Variants in CNIH3 observed in about 807,000 individuals in gnomAD.
CNIH3 encodes cornichon family AMPA receptor auxiliary protein 3, also known as protein cornichon homolog 3.
A neutral mutation model predicts 24.1 loss-of-function variants in CNIH3; 14 were observed. The ratio of observed to expected loss-of-function variants is 0.58; its 90% CI spans 0.38 to 0.91. CNIH3 has a LOEUF of 0.91. Ranked by LOEUF, CNIH3 falls within the 40% of genes least tolerant of loss-of-function variation. The pLI, the probability that CNIH3 is intolerant of heterozygous loss-of-function variation, is 0.00. For missense variants in CNIH3, 178 were observed against 196.8 expected, an observed-to-expected ratio of 0.90 and a Z score of 0.57; for synonymous variants, 68 against 73.8, an observed-to-expected ratio of 0.92 and a Z score of 0.40.
At chr1:224,493,210 T>C (rs1558105445) in intron 1 of CNIH3, among the ~76,000 whole-genome samples, 1 of 152,252 alleles carries the variant, frequency 6.6e-6, no homozygotes, top group Admixed American at 6.5e-5. Flanking sequence ...AGTCTTTGTA[T>C]ATAAACTTGA....
At chr1:224,595,537 A>G (rs1681943461) in intron 3 of CNIH3, among the ~76,000 whole-genome samples, 1 of 152,188 alleles carries the variant, frequency 6.6e-6, no homozygotes, top group African/African-American at 2.4e-5. Flanking sequence ...ATTTAGGCAA[A>G]TTAATAACCC....
chr1:224,531,458 G>A (rs1052461539), intron 2 of CNIH3, among the ~76,000 whole-genome samples: 1 of 152,208 alleles, frequency 6.6e-6, no homozygotes, highest in Non-Finnish European at 1.5e-5. Context: ...GGAGAGCAGT[G>A]TTAAAGCTGA....
At chr1:224,473,638 ACAGGTAT>A (rs1263661466) in intron 1 of CNIH3, among the ~76,000 whole-genome samples, 1 of 152,212 alleles carries the variant, frequency 6.6e-6, no homozygotes, top group Non-Finnish European at 1.5e-5. Flanking sequence ...ATGAGAGCAC[ACAGGTAT>A]GTAAAGGAAA....
At chr1:224,568,308 C>CA (rs1224747195) in intron 4 of CNIH3, among the ~76,000 whole-genome samples, 7 of 145,010 alleles carry the variant, frequency 4.8e-5, no homozygotes, top group Admixed American at 2.8e-4. Context: ...AGCAAACAAA[C>CA]AAAAAAAATT....
chr1:224,702,658 C>T (rs926749681), intron 3 of CNIH3, among the ~76,000 whole-genome samples: 5 of 152,198 alleles, frequency 3.3e-5, no homozygotes, highest in East Asian at 1.9e-4. Context: ...CACTGGGGGA[C>T]GTTTAAAACC....
intron 4 of CNIH3, among the ~76,000 whole-genome samples, chr1:224,732,663 T>C (rs1282953328): frequency 1.3e-5 from 2 of 151,906 alleles, no homozygotes; most frequent in Non-Finnish European, 2.9e-5. Context: ...AGGAAAGGAG[T>C]TCGTCCCAAG....
intron 1 of CNIH3, among the ~76,000 whole-genome samples, chr1:224,468,301 T>C (rs959392506): frequency 3.3e-5 from 4 of 122,906 alleles, no homozygotes; most frequent in Non-Finnish European, 6.9e-5. Flanking sequence ...TTGAGTTTTC[T>C]AAGTCATAAA....
chr1:224,701,973 C>A (rs994898914), intron 3 of CNIH3, among the ~76,000 whole-genome samples: 16 of 152,160 alleles, frequency 1.1e-4, no homozygotes, highest in Non-Finnish European at 1.5e-4. Context: ...GCTGCCCCAC[C>A]CTTGTCCTTC....
At chr1:224,451,220 A>G (rs1422614920) in intron 1 of CNIH3, among the ~76,000 whole-genome samples, 6 of 152,206 alleles carry the variant, frequency 3.9e-5, no homozygotes, top group Admixed American at 2.6e-4. Context: ...TAGGCTGAGC[A>G]TGAACTTGTC....
At chr1:224,730,263 A>T (rs1011303781) in intron 3 of CNIH3, 199 bp from the exon 4 acceptor site, 1 of 546,888 alleles carries the variant, frequency 1.8e-6, no homozygotes, top group African/African-American at 1.9e-5. Context: ...TTTGGGTATA[A>T]TAAAAAGAGG....
downstream of CNIH3, among the ~76,000 whole-genome samples, chr1:224,589,732 T>C (rs1681669170): frequency 6.6e-6 from 1 of 152,210 alleles, no homozygotes; most frequent in Admixed American, 6.5e-5. Context: ...TGGGTGGCTC[T>C]GTAGCTCACT....
upstream of CNIH3, among the ~76,000 whole-genome samples, chr1:224,515,377 A>C (rs771225508): frequency 3.3e-5 from 5 of 152,250 alleles, no homozygotes; most frequent in Non-Finnish European, 7.3e-5. Flanking sequence ...CAGTATTTTA[A>C]AATGTCTTGT....
intron 5 of CNIH3, among the ~76,000 whole-genome samples, chr1:224,736,217 C>T (rs1265868471): frequency 6.6e-6 from 1 of 152,112 alleles, no homozygotes; most frequent in Non-Finnish European, 1.5e-5. Context: ...CCTTGAACTC[C>T]AGGCTCAAGG....
intron 1 of CNIH3, among the ~76,000 whole-genome samples, chr1:224,498,371 T>C (rs917208090): frequency 1.3e-5 from 2 of 152,178 alleles, no homozygotes; most frequent in African/African-American, 4.8e-5. Flanking sequence ...CTGACTCAGC[T>C]TGAAACTTCT....
intron 3 of CNIH3, among the ~76,000 whole-genome samples, chr1:224,549,763 A>G (rs1407953929): frequency 6.6e-6 from 1 of 152,150 alleles, no homozygotes; most frequent in African/African-American, 2.4e-5. Flanking sequence ...ACTGAATACT[A>G]TGGAAATATC....
intron 1 of CNIH3, among the ~76,000 whole-genome samples, chr1:224,465,475 A>C: frequency 6.6e-6 from 1 of 152,360 alleles, no homozygotes; most frequent in South Asian, 2.1e-4. Context: ...CACACATAAC[A>C]TAAGTTTACA....
At chr1:224,448,216 G>A (rs1486449466) in intron 1 of CNIH3, among the ~76,000 whole-genome samples, 5 of 151,498 alleles carry the variant, frequency 3.3e-5, no homozygotes, top group Admixed American at 6.6e-5. Flanking sequence ...CAGCCTGGAC[G>A]ACAGAGCAAG....
At chr1:224,583,974 G>A (rs920588346) in intron 5 of CNIH3, among the ~76,000 whole-genome samples, 8 of 152,142 alleles carry the variant, frequency 5.3e-5, no homozygotes, top group African/African-American at 7.2e-5. Context: ...ACTTCCTGTC[G>A]TATTTTCCAC....
At chr1:224,481,064 C>A (rs1276714008) in intron 1 of CNIH3, among the ~76,000 whole-genome samples, 1 of 152,212 alleles carries the variant, frequency 6.6e-6, no homozygotes, top group Non-Finnish European at 1.5e-5. Context: ...GGAGGGGTGA[C>A]AATCATCGCA....
Sources: allele counts gnomAD v4.1 joint callset (sites outside exome capture counted in the v4.1 genomes callset), GRCh38; gene constraint gnomAD v4.1.1; transcripts MANE v1.5; gene names NCBI Gene and HGNC (gene_info 2026-07-23, HGNC 2026-07-21).